CTNNA2: variants seen among roughly 807,000 people sequenced by gnomAD.
CTNNA2 encodes the protein catenin alpha 2.
A neutral mutation model predicts 101.0 loss-of-function variants in CTNNA2; 42 were observed. That is an observed-to-expected ratio of 0.42 (90% confidence interval 0.32 to 0.54). The LOEUF (loss-of-function observed/expected upper bound fraction) is 0.54. Ranked by LOEUF, CTNNA2 falls within the 20% of genes least tolerant of loss-of-function variation. CTNNA2 has a pLI of 0.14. For missense variants in CTNNA2, 871 were observed against 1,223.1 expected, an observed-to-expected ratio of 0.71 and a Z score of 4.29; for synonymous variants, 450 against 456.4, an observed-to-expected ratio of 0.99 and a Z score of 0.18.
At chr2:80,325,775 T>C (rs918063184) in intron 7 of CTNNA2, among the ~76,000 whole-genome samples, 1 of 152,178 alleles carries the variant, frequency 6.6e-6, no homozygotes, top group African/African-American at 2.4e-5. Flanking sequence ...TTGGAATGCT[T>C]ATAGATTTGC....
intron 6 of CTNNA2, among the ~76,000 whole-genome samples, chr2:79,907,235 G>A (rs757686397): frequency 6.6e-6 from 1 of 152,066 alleles, no homozygotes; most frequent in Non-Finnish European, 1.5e-5. Flanking sequence ...TTGAAAATCA[G>A]TAATCTTTAT....
chr2:79,226,473 G>A (rs1164981529), intron 2 of CTNNA2, among the ~76,000 whole-genome samples: 1 of 149,706 alleles, frequency 6.7e-6, no homozygotes, highest in African/African-American at 2.4e-5. Context: ...ACGTTTGCCA[G>A]TTTCACCTGA....
chr2:79,408,741 A>T (rs925650492), intron 4 of CTNNA2, among the ~76,000 whole-genome samples: 2 of 152,014 alleles, frequency 1.3e-5, no homozygotes, highest in Non-Finnish European at 2.9e-5. Flanking sequence ...GCTATTGTGA[A>T]TAGTGCCGCA....
chr2:80,017,887 C>T (rs1263610684), intron 7 of CTNNA2, among the ~76,000 whole-genome samples: 1 of 152,172 alleles, frequency 6.6e-6, no homozygotes, highest in Non-Finnish European at 1.5e-5. Flanking sequence ...AGTCACTTAA[C>T]TTACTTGAAC....
chr2:79,805,887 G>A (rs546198689), intron 3 of CTNNA2, among the ~76,000 whole-genome samples: 1 of 151,600 alleles, frequency 6.6e-6, no homozygotes, highest in South Asian at 2.1e-4. Context: ...GCAGTGAGCC[G>A]AGATTGCACC....
At chr2:79,493,351 ACTGTGC>A (rs1388063625) in intron 4 of CTNNA2, among the ~76,000 whole-genome samples, 2 of 152,110 alleles carry the variant, frequency 1.3e-5, no homozygotes, top group Non-Finnish European at 2.9e-5. Context: ...ATATTGGCCG[ACTGTGC>A]CTGTAATCCC....
At chr2:79,581,596 C>T (rs1676152307) in intron 1 of CTNNA2, among the ~76,000 whole-genome samples, 1 of 151,778 alleles carries the variant, frequency 6.6e-6, no homozygotes, top group Admixed American at 6.6e-5. Flanking sequence ...ATTTTTTTCA[C>T]CTAATAGTGA....
chr2:79,391,622 A>G (rs1411220245), intron 4 of CTNNA2, among the ~76,000 whole-genome samples: 1 of 152,116 alleles, frequency 6.6e-6, no homozygotes, highest in Non-Finnish European at 1.5e-5. Flanking sequence ...AATCACCTCA[A>G]AAAACTGATG....
At chr2:79,887,065 A>T (rs770137585) in intron 6 of CTNNA2, among the ~76,000 whole-genome samples, 3 of 151,926 alleles carry the variant, frequency 2.0e-5, no homozygotes, top group Non-Finnish European at 4.4e-5. Context: ...GATCTGCCCA[A>T]CTCAGCTTCC....
intron 3 of CTNNA2, among the ~76,000 whole-genome samples, chr2:79,754,037 T>C (rs1003171246): frequency 2.6e-5 from 4 of 151,992 alleles, no homozygotes; most frequent in Middle Eastern, 3.4e-3. Context: ...CCTGGCTAAT[T>C]TTTGTATTTC....
chr2:80,482,689 A>G (rs1490060133), intron 9 of CTNNA2, among the ~76,000 whole-genome samples: 1 of 152,200 alleles, frequency 6.6e-6, no homozygotes, highest in East Asian at 1.9e-4. Context: ...TTGATTCCAC[A>G]GTGTCAATCT....
At chr2:80,301,475 C>CA (rs1215465220) in intron 7 of CTNNA2, among the ~76,000 whole-genome samples, 1 of 152,132 alleles carries the variant, frequency 6.6e-6, no homozygotes, top group Non-Finnish European at 1.5e-5. Flanking sequence ...ACATTAAGTG[C>CA]AAAAATGTTT....
At chr2:79,987,881 T>G (rs1038784683) in intron 7 of CTNNA2, among the ~76,000 whole-genome samples, 5 of 152,218 alleles carry the variant, frequency 3.3e-5, no homozygotes, top group African/African-American at 1.2e-4. Context: ...TAGTTCATAT[T>G]CAGATTAAAC....
intron 1 of CTNNA2, among the ~76,000 whole-genome samples, chr2:79,517,551 T>A (rs1331831167): frequency 6.6e-6 from 1 of 152,180 alleles, no homozygotes; most frequent in African/African-American, 2.4e-5. Context: ...TATGTTGAGA[T>A]CTTTCTTAAT....
intron 3 of CTNNA2, among the ~76,000 whole-genome samples, chr2:79,808,139 A>T (rs952446031): frequency 6.6e-6 from 1 of 152,214 alleles, no homozygotes; most frequent in Non-Finnish European, 1.5e-5. Flanking sequence ...TTCTCTACAG[A>T]TAATTTGTCT....
At chr2:80,215,505 G>T (rs531400532) in intron 7 of CTNNA2, among the ~76,000 whole-genome samples, 1 of 152,334 alleles carries the variant, frequency 6.6e-6, no homozygotes, top group Non-Finnish European at 1.5e-5. Context: ...CTGCAGGTCT[G>T]TTGGAGTTTG....
intron 7 of CTNNA2, among the ~76,000 whole-genome samples, chr2:80,337,075 G>A (rs1331314764): frequency 6.6e-6 from 1 of 152,168 alleles, no homozygotes; most frequent in Non-Finnish European, 1.5e-5. Flanking sequence ...ATGAGACAGA[G>A]CTGGGCACGG....
At chr2:80,098,842 A>T (rs1361410168) in intron 7 of CTNNA2, among the ~76,000 whole-genome samples, 3 of 152,142 alleles carry the variant, frequency 2.0e-5, no homozygotes, top group African/African-American at 7.2e-5. Context: ...GCCGTTTGTT[A>T]AGCCTGTTGG....
chr2:80,068,165 G>A (rs950314415), intron 7 of CTNNA2, among the ~76,000 whole-genome samples: 25 of 152,198 alleles, frequency 1.6e-4, no homozygotes, highest in Non-Finnish European at 1.5e-5. Flanking sequence ...AGAGAGGCAG[G>A]AAAAGGACCC....
Sources: allele counts gnomAD v4.1 joint callset (sites outside exome capture counted in the v4.1 genomes callset), GRCh38; gene constraint gnomAD v4.1.1; transcripts MANE v1.5; gene names NCBI Gene and HGNC (gene_info 2026-07-23, HGNC 2026-07-21).